PRPF31: variants seen among roughly 807,000 people sequenced by gnomAD.
PRPF31 encodes the protein U4/U6 small nuclear ribonucleoprotein Prp31.
Under a neutral mutation model 60.4 loss-of-function variants are expected in PRPF31, and 12 were observed. That is an observed-to-expected ratio of 0.20 (90% CI 0.13 to 0.32). PRPF31 has a LOEUF of 0.32. Among genes scored for constraint, PRPF31 ranks in the 10% least tolerant of loss-of-function variants. The pLI, the probability that PRPF31 is intolerant of heterozygous loss-of-function variation, is 1.00. For synonymous variants in PRPF31, 287 were observed against 287.9 expected, an observed-to-expected ratio of 1.00 and a Z score of 0.03; for missense variants, 431 against 687.1, an observed-to-expected ratio of 0.63 and a Z score of 4.17.
At chr19:54,131,169 C>A (rs2074039908) in intron 13 of PRPF31, 138 bp from the exon 14 acceptor site, 4 of 1,246,226 alleles carry the variant, frequency 3.2e-6, no homozygotes, top group Non-Finnish European at 4.7e-6. Flanking sequence ...CAAGACAGGG[C>A]AACTCCAGGG....
chr19:54,122,180 C>A (rs764014200), intron 4 of PRPF31: 516 of 634,498 alleles, frequency 8.1e-4, no homozygotes, highest in Non-Finnish European at 1.2e-3. Flanking sequence ...CTCTTTCCAT[C>A]CTGTTGGTCG....
Position 54,128,297 on chromosome 19 carries a change from G to T in PRPF31, c.1074-8G>T. On this transcript the variant is annotated splice_region_variant and splice_polypyrimidine_tract_variant and intron_variant, in intron 10 of 13. Transcript: ENST00000321030. ...ACTCCCTGGCGCCGCCCACCCACCC[G>T]TCCCCAGGTACCGCAAGATGAAGGA... The T allele has an allele frequency of 9.6e-6, 3 of 312,064 alleles. No homozygotes were observed. Among genetic ancestry groups the T allele is most frequent in the Non-Finnish European group, 1.8e-5 (3 of 169,530 alleles). The allele number at this position is 312,064 out of a possible 1,614,324, so 19.3% of individuals were successfully genotyped here. A position where few individuals can be genotyped will look rare whatever the true frequency, so the allele number is the denominator to read the frequency against.
At chr19:54,122,212 G>A (rs781164413) in intron 4 of PRPF31, 88 of 622,784 alleles carry the variant, frequency 1.4e-4, no homozygotes, top group Non-Finnish European at 2.4e-4. Flanking sequence ...CACGGTGCGA[G>A]GTGACTGCCC....
Position 54,128,746 on chromosome 19 carries a change from C to G in PRPF31, c.1147-311C>G, listed in dbSNP as rs376573680. Among the ~76,000 whole-genome samples, 5 of 152,288 alleles carry G rather than the reference C, an allele frequency of 3.3e-5. No homozygotes were observed. The East Asian group carries it at 9.7e-4, about 29-fold the overall frequency. ...CCCCTTGGTCCTGCAGGACCGAACTCAGAGGCCACCTCATCCTATTAAACC... is the reference window on the plus strand; with the variant it reads ...CCCCTTGGTCCTGCAGGACCGAACTGAGAGGCCACCTCATCCTATTAAACC... On this transcript the variant is annotated intron_variant, in intron 11 of 13. Transcript: ENST00000321030.
chr19:54,120,608 C>A (rs1452380292), intron 3 of PRPF31, among the ~76,000 whole-genome samples: 1 of 152,058 alleles, frequency 6.6e-6, no homozygotes, highest in African/African-American at 2.4e-5. Flanking sequence ...AACACAACAT[C>A]TTTTTGTTTG....
intron 13 of PRPF31, among the ~76,000 whole-genome samples, chr19:54,130,587 TGCACTTCA>T (rs2074028107): frequency 6.7e-6 from 1 of 149,148 alleles, no homozygotes; most frequent in Non-Finnish European, 1.5e-5. Flanking sequence ...ATCGCGCCAC[TGCACTTCA>T]GCCTGGGCGA....
intron 5 of PRPF31, chr19:54,123,129 C>A: frequency 1.9e-6 from 1 of 528,700 alleles, no homozygotes; most frequent in South Asian, 2.1e-5. Context: ...GGTGGGGAAG[C>A]CCCTGCAGGG....
At chr19:54,125,931 C>T (rs1314148906) in intron 8 of PRPF31, among the ~76,000 whole-genome samples, 3 of 152,224 alleles carry the variant, frequency 2.0e-5, no homozygotes, top group Non-Finnish European at 2.9e-5. Flanking sequence ...GATGTCTTGT[C>T]ACCCAGGCCT....
intron 3 of PRPF31, 122 bp from the exon 4 acceptor site, chr19:54,121,738 G>A: frequency 2.2e-6 from 2 of 890,726 alleles, no homozygotes; most frequent in Non-Finnish European, 1.8e-6. Flanking sequence ...CCTGTCCCTG[G>A]TTTACTCTTC....
chr19:54,121,039 C>T (rs2073773063), intron 3 of PRPF31, among the ~76,000 whole-genome samples: 1 of 152,148 alleles, frequency 6.6e-6, no homozygotes, highest in Non-Finnish European at 1.5e-5. Context: ...CGCCTGTCAT[C>T]CCAGCACTTT....
At position 54,117,886 on chromosome 19, in the gene PRPF31, C is replaced by G. The variant is rs114642810; in HGVS notation, c.-8-385C>G. Among the ~76,000 whole-genome samples the G allele has an allele frequency of 7.0e-3, 1,062 of 152,030 alleles. 9 individuals carry two copies. Among genetic ancestry groups the G allele is most frequent in the African/African-American group, 0.024 (996 of 41,450 alleles). On this transcript the variant is annotated intron_variant, in intron 1 of 13. Coordinates refer to ENST00000321030, the MANE Select transcript of PRPF31 (RefSeq NM_015629.4). ...AATAAATAAAGATTAGCCCCTGGAACTTCTAAGTAAGCACATAGATAAGCC... is the reference window on the plus strand; with the variant it reads ...AATAAATAAAGATTAGCCCCTGGAAGTTCTAAGTAAGCACATAGATAAGCC...
intron 13 of PRPF31, 133 bp downstream of exon 13, chr19:54,129,503 A>G (rs2146451509): frequency 8.8e-7 from 1 of 1,133,352 alleles, no homozygotes; most frequent in Non-Finnish European, 1.3e-6. Flanking sequence ...CGAGGTATGC[A>G]GAGGACGTAG....
intron 3 of PRPF31, chr19:54,119,498 CT>C (rs10709368): frequency 0.08 from 11,664 of 145,882 alleles, 514 homozygotes; most frequent in African/African-American, 0.13. Context: ...CATTCCTATT[CT>C]TTTTTTTTTT....
In PRPF31 at chr19:54,125,003, A is replaced by C. The variant is rs587664056; in HGVS notation, c.855+347A>C. ...ACAAGCAGCGTCGGGTTAGCGTGCAACTGCTCCGAAGACCACCCTCAGGTT... is the reference window on the plus strand; with the variant it reads ...ACAAGCAGCGTCGGGTTAGCGTGCACCTGCTCCGAAGACCACCCTCAGGTT... On this transcript the variant is annotated intron_variant, in intron 8 of 13. Transcript: ENST00000321030. The C allele has an allele frequency of 2.2e-3, 951 of 441,282 alleles. 22 individuals carry two copies. In the Admixed American group the frequency reaches 0.028, roughly 13 times the overall value. The allele number at this position is 441,282 out of a possible 1,614,324, so 27.3% of individuals were successfully genotyped here.
At chr19:54,119,257 C>T (rs1158901765) in intron 3 of PRPF31, among the ~76,000 whole-genome samples, 1 of 151,760 alleles carries the variant, frequency 6.6e-6, no homozygotes, top group East Asian at 2.0e-4. Flanking sequence ...TGGCGGGTGC[C>T]TGTAGTCCCA....
intron 1 of PRPF31, 171 bp from the exon 2 acceptor site, chr19:54,118,100 T>C (rs1350184816): frequency 1.1e-6 from 1 of 911,268 alleles, no homozygotes; most frequent in Non-Finnish European, 1.8e-6. Context: ...AGGTCGGAGC[T>C]GGAGACTCGC....
chr19:54,129,470 G>A (rs1052789125), intron 13 of PRPF31, 100 bp downstream of exon 13: 8 of 1,389,926 alleles, frequency 5.8e-6, no homozygotes, highest in Non-Finnish European at 7.9e-6. Flanking sequence ...CTCCTCATGG[G>A]GCTGTTGTGG....
chr19:54,116,523 C>T (rs1340476885), intron 1 of PRPF31, among the ~76,000 whole-genome samples: 1 of 152,140 alleles, frequency 6.6e-6, no homozygotes, highest in East Asian at 1.9e-4. Context: ...GCCTGTTTAC[C>T]CAAAAGTCTT....
At chr19:54,118,717 A>T (rs974778198) in intron 3 of PRPF31, 84 bp downstream of exon 3, 5 of 1,381,974 alleles carry the variant, frequency 3.6e-6, no homozygotes, top group Non-Finnish European at 5.1e-6. Flanking sequence ...GTGGCTGGGT[A>T]TATCTCCTTC....
Sources: allele counts gnomAD v4.1 joint callset (sites outside exome capture counted in the v4.1 genomes callset), GRCh38; gene constraint gnomAD v4.1.1; transcripts MANE v1.5; gene names NCBI Gene and HGNC (gene_info 2026-07-23, HGNC 2026-07-21).